DCC: variants seen among roughly 807,000 people sequenced by gnomAD.
The protein encoded by DCC is netrin receptor DCC.
A neutral mutation model predicts 172.5 loss-of-function variants in DCC; 58 were observed. The ratio of observed to expected loss-of-function variants is 0.34; its 90% confidence interval spans 0.27 to 0.42. The LOEUF (loss-of-function observed/expected upper bound fraction) is 0.42. DCC is among the 10% of genes least tolerant of loss of function. The probability of loss-of-function intolerance (pLI) is 1.00; values close to 1 mark genes in which losing one functional copy is unlikely to be tolerated. For synonymous variants in DCC, 709 were observed against 644.5 expected (o/e 1.10, Z -1.52); for missense variants, 1,740 against 1,791.0 (o/e 0.97, Z 0.51).
intron 1 of DCC, among the ~76,000 whole-genome samples, chr18:52,492,415 A>G (rs1465651212): frequency 6.6e-6 from 1 of 151,934 alleles, no homozygotes; most frequent in Non-Finnish European, 1.5e-5. Flanking sequence ...CTAAAGGAAC[A>G]AGGTTCTTGA....
intron 1 of DCC, among the ~76,000 whole-genome samples, chr18:52,713,360 A>G (rs2036326979): frequency 6.6e-6 from 1 of 152,216 alleles, no homozygotes; most frequent in South Asian, 2.1e-4. Flanking sequence ...GGAACCAGTG[A>G]CCTGTTCAAA....
At chr18:52,423,381 TTC>T (rs1421741572) in intron 1 of DCC, among the ~76,000 whole-genome samples, 1 of 152,076 alleles carries the variant, frequency 6.6e-6, no homozygotes, top group Non-Finnish European at 1.5e-5. Context: ...TGGGAAGGAA[TTC>T]TGACTGGGTC....
intron 7 of DCC, among the ~76,000 whole-genome samples, chr18:53,106,207 C>T (rs771631310): frequency 7.2e-5 from 11 of 151,858 alleles, no homozygotes; most frequent in Non-Finnish European, 1.3e-4. Flanking sequence ...CGTCTTATTT[C>T]CCATTGCTGC....
chr18:52,891,033 G>C (rs987527383), intron 2 of DCC, among the ~76,000 whole-genome samples: 7 of 151,980 alleles, frequency 4.6e-5, no homozygotes, highest in African/African-American at 1.7e-4. Flanking sequence ...CAGTGTAAAT[G>C]GTGTAAAATT....
intron 12 of DCC, among the ~76,000 whole-genome samples, chr18:53,248,311 C>T (rs148203726): frequency 2.2e-3 from 329 of 152,066 alleles, no homozygotes; most frequent in African/African-American, 7.7e-3. Context: ...AAATCCTAAA[C>T]CTTTGTCAGT....
intron 2 of DCC, among the ~76,000 whole-genome samples, chr18:52,775,970 G>T (rs2037424289): frequency 6.6e-6 from 1 of 152,130 alleles, no homozygotes; most frequent in Non-Finnish European, 1.5e-5. Context: ...CTGTATCACT[G>T]TCATCAAGAT....
chr18:52,428,001 G>A (rs1435634546), intron 1 of DCC, among the ~76,000 whole-genome samples: 3 of 151,936 alleles, frequency 2.0e-5, no homozygotes, highest in Non-Finnish European at 4.4e-5. Flanking sequence ...CACGTCTCTA[G>A]GACCAAATTG....
At chr18:53,000,459 A>G (rs1018856895) in intron 5 of DCC, among the ~76,000 whole-genome samples, 27 of 151,828 alleles carry the variant, frequency 1.8e-4, no homozygotes, top group Non-Finnish European at 1.9e-4. Flanking sequence ...GTGTCTGCAT[A>G]TGTACAATTT....
chr18:52,384,935 T>C (rs1985731866), intron 1 of DCC, among the ~76,000 whole-genome samples: 1 of 152,130 alleles, frequency 6.6e-6, no homozygotes, highest in South Asian at 2.1e-4. Flanking sequence ...TATAAAAACA[T>C]GAAGAACTAA....
chr18:53,213,629 C>T (rs891211024), intron 11 of DCC, among the ~76,000 whole-genome samples: 2 of 109,586 alleles, frequency 1.8e-5, no homozygotes, highest in Non-Finnish European at 3.3e-5. Context: ...GCCTGGGTGA[C>T]AGAGCGAGAC....
intron 1 of DCC, among the ~76,000 whole-genome samples, chr18:52,700,191 CACACGCACAT>C (rs1459712752): frequency 2.7e-5 from 4 of 148,886 alleles, no homozygotes; most frequent in Non-Finnish European, 3.0e-5. Context: ...CACACGCACA[CACACGCACAT>C]ACACACATGC....
chr18:53,295,986 T>A (rs1325783717), intron 12 of DCC, among the ~76,000 whole-genome samples: 3 of 152,198 alleles, frequency 2.0e-5, no homozygotes, highest in African/African-American at 7.2e-5. Flanking sequence ...TTTGGTACAG[T>A]AAGAAATGTG....
At chr18:53,041,028 C>T (rs746407333) in intron 5 of DCC, among the ~76,000 whole-genome samples, 3 of 152,030 alleles carry the variant, frequency 2.0e-5, no homozygotes, top group Admixed American at 6.6e-5. Flanking sequence ...TGCAGAAGCT[C>T]TTTAGTTTAA....
intron 5 of DCC, among the ~76,000 whole-genome samples, chr18:53,060,609 A>G (rs2042480543): frequency 6.6e-6 from 1 of 152,186 alleles, no homozygotes; most frequent in Non-Finnish European, 1.5e-5. Context: ...TAACAATATT[A>G]CAACTATAAT....
At chr18:53,182,882 C>T (rs1453027921) in intron 9 of DCC, among the ~76,000 whole-genome samples, 4 of 152,018 alleles carry the variant, frequency 2.6e-5, no homozygotes, top group East Asian at 1.9e-4. Context: ...AGAGAAAATG[C>T]GAGGGCTGGT....
chr18:52,746,392 CACTTCCAAGCT>C (rs1009940620), intron 1 of DCC, among the ~76,000 whole-genome samples: 15 of 152,174 alleles, frequency 9.9e-5, no homozygotes, highest in Middle Eastern at 3.4e-3. Flanking sequence ...CTTTTTTCCC[CACTTCCAAGCT>C]ACTTCTTATA....
rs76798351 is a variant in DCC, at chr18:52,661,650, T to C, written c.92-90404T>C. 4.9e-4 allele frequency among the ~76,000 whole-genome samples: 75 copies of C among 152,364 alleles called. No homozygotes were observed. In the East Asian group the frequency reaches 0.012, roughly 24 times the overall value. Reference sequence around the variant, plus strand: ...CAGCTAGAGGGAAACCCAGCCCCACTTGTGCACACAGACTTTTTAGTAGTT... The same window carrying C: ...CAGCTAGAGGGAAACCCAGCCCCACCTGTGCACACAGACTTTTTAGTAGTT... On this transcript the variant is annotated intron_variant, in intron 1 of 28. Coordinates refer to ENST00000442544, the MANE Select transcript of DCC (RefSeq NM_005215.4).
At chr18:53,358,417 T>C (rs2057903360) in intron 15 of DCC, among the ~76,000 whole-genome samples, 1 of 152,114 alleles carries the variant, frequency 6.6e-6, no homozygotes, top group South Asian at 2.1e-4. Context: ...AAATGATTTA[T>C]TATTTCTTAC....
chr18:52,971,172 G>A (rs559521507), intron 5 of DCC, among the ~76,000 whole-genome samples: 9 of 151,998 alleles, frequency 5.9e-5, no homozygotes, highest in South Asian at 4.2e-4. Flanking sequence ...TTTCTTTTTC[G>A]TTAGTGCAGC....
Sources: gnomAD v4.1 joint callset for allele counts (sites outside exome capture counted in the v4.1 genomes callset) on GRCh38, gnomAD v4.1.1 for gene constraint, MANE v1.5 for transcripts, NCBI Gene and HGNC (gene_info 2026-07-23, HGNC 2026-07-21) for gene names.